Variants in ATF6 observed in about 807,000 individuals in gnomAD.
ATF6 encodes activating transcription factor 6, also known as cyclic AMP-dependent transcription factor ATF-6 alpha.
In ATF6, 53 loss-of-function variants were observed where a neutral mutation model predicts 83.6. The observed-to-expected ratio is 0.63, with a 90% CI of 0.51 to 0.80. The LOEUF (loss-of-function observed/expected upper bound fraction) is 0.80. ATF6 is among the 30% of genes least tolerant of loss of function. The pLI is 0.00. For missense variants in ATF6, 744 were observed against 797.9 expected, an observed-to-expected ratio of 0.93 and a Z score of 0.81; for synonymous variants, 288 against 285.8, an observed-to-expected ratio of 1.01 and a Z score of -0.08.
intron 14 of ATF6, among the ~76,000 whole-genome samples, chr1:161,903,599 C>G (rs888292379): frequency 1.3e-5 from 2 of 151,980 alleles, no homozygotes; most frequent in African/African-American, 4.8e-5. Flanking sequence ...CTTTTTGGTC[C>G]CTTTTTTTAA....
intron 4 of ATF6, among the ~76,000 whole-genome samples, chr1:161,787,159 T>C (rs925670623): frequency 6.6e-6 from 1 of 152,242 alleles, no homozygotes; most frequent in African/African-American, 2.4e-5. Context: ...CCTTCATAGA[T>C]GTTATCTGCC....
chr1:161,819,649 G>A lies in ATF6; in HGVS notation c.926G>A (p.Arg309Lys). ...NVGSDIAVLR[R>K]QQRMIKNRES... ...TTTTTCTAGATTGCTGTGCTAAGGA[G>A]ACAGCAACGTATGATAAAAAATCGA... The change falls in exon 8 of 16, where the codon AGA (arginine) becomes AAA (lysine). Residue 309 changes from arginine to lysine, a missense_variant. Coordinates refer to ENST00000367942, the MANE Select transcript of ATF6 (RefSeq NM_007348.4). 6.2e-7 allele frequency: 1 copy of A among 1,605,428 alleles called. No individual in the cohort carries two copies.
intron 6 of ATF6, among the ~76,000 whole-genome samples, chr1:161,798,840 G>GA (rs1459013637): frequency 6.6e-6 from 1 of 152,124 alleles, no homozygotes; most frequent in Non-Finnish European, 1.5e-5. Flanking sequence ...ATAAGCATAT[G>GA]AAAAAATGCT....
At chr1:161,814,691 A>G (rs1302604646) in intron 7 of ATF6, among the ~76,000 whole-genome samples, 1 of 152,194 alleles carries the variant, frequency 6.6e-6, no homozygotes, top group Non-Finnish European at 1.5e-5. Context: ...GAGATTGAGA[A>G]GAGTAGAGAT....
rs1689117590 is a variant in ATF6, at chr1:161,962,352, C to T, written c.*3698C>T. 6.6e-6 allele frequency: 1 copy of T among 152,178 alleles called. No individual in the cohort carries two copies. Among genetic ancestry groups the T allele is most frequent in the Non-Finnish European group, 1.5e-5 (1 of 68,034 alleles). 9.4% of individuals were successfully genotyped at this position (152,178 alleles called of 1,614,324 possible). On this transcript the variant is annotated 3_prime_UTR_variant, in exon 16 of 16. Transcript: ENST00000367942. ...ACTAAATCTTAGCCTGAACCTTCCT[C>T]CCCTGTGTGTATTCCCCGGTAGTCA...
chr1:161,910,612 T>C (rs1031967332), intron 14 of ATF6, among the ~76,000 whole-genome samples: 1 of 152,186 alleles, frequency 6.6e-6, no homozygotes, highest in Non-Finnish European at 1.5e-5. Context: ...GAATCTAAGT[T>C]TGTTTATTTT....
intron 14 of ATF6, among the ~76,000 whole-genome samples, chr1:161,897,541 T>TA (rs1687700207): frequency 6.6e-6 from 1 of 152,176 alleles, no homozygotes; most frequent in East Asian, 1.9e-4. Flanking sequence ...CTGCTGCTCC[T>TA]AAAAAACCTA....
At chr1:161,879,838 C>A (rs1195092967) in intron 14 of ATF6, among the ~76,000 whole-genome samples, 4 of 151,996 alleles carry the variant, frequency 2.6e-5, no homozygotes, top group African/African-American at 9.7e-5. Context: ...TCTTCCTTAA[C>A]ACCTTTCTTC....
rs138352365 is a variant in ATF6 at position 161,886,660 on chromosome 1, G to C, written c.1719+23348G>C. Among the ~76,000 whole-genome samples the C allele has an allele frequency of 5.9e-5, 9 of 152,238 alleles. No homozygotes were observed. In the East Asian group the frequency reaches 1.7e-3, roughly 29 times the overall value. On this transcript the variant is annotated intron_variant, in intron 14 of 15. Transcript: ENST00000367942. ...TATATGTTCCATTATAATCTCATGG[G>C]ACCACCATAGTACATGCGGTCCATT... is the stretch of plus-strand genomic sequence containing the variant.
intron 14 of ATF6, among the ~76,000 whole-genome samples, chr1:161,908,493 A>G (rs913450461): frequency 1.3e-5 from 2 of 152,132 alleles, no homozygotes; most frequent in Admixed American, 6.5e-5. Context: ...CTGATGCTTT[A>G]TTTTCATGGT....
rs538699308 is a variant in ATF6 at position 161,885,831 on chromosome 1, A to T, written c.1719+22519A>T. ...GAATTTATTATTGTAGAGAAAAGTG[A>T]CTTGTAAATCCAAAATTTCATACTG... On this transcript the variant is annotated intron_variant, in intron 14 of 15. Transcript: ENST00000367942. Among the ~76,000 whole-genome samples, 41 of 152,330 alleles carry T rather than the reference A, an allele frequency of 2.7e-4. No homozygotes were observed. The Middle Eastern group carries it at 0.01, about 38-fold the overall frequency.
At chr1:161,869,079 CA>C (rs35932688) in intron 14 of ATF6, among the ~76,000 whole-genome samples, 2 of 149,008 alleles carry the variant, frequency 1.3e-5, no homozygotes, top group Non-Finnish European at 1.5e-5. Flanking sequence ...GTGATTATTG[CA>C]AAAAAAAAGG....
At position 161,963,632 on chromosome 1, in the gene ATF6, A is replaced by C. The variant is rs1301419025; in HGVS notation, c.*4978A>C. 6.6e-6 allele frequency: 1 copy of C among 152,206 alleles called. No homozygotes were observed. The highest frequency in any genetic ancestry group is 1.5e-5 in the Non-Finnish European group (1 of 68,038). The allele number at this position is 152,206 out of a possible 1,614,324, so 9.4% of individuals were successfully genotyped here. A position where few individuals can be genotyped will look rare whatever the true frequency, so the allele number is the denominator to read the frequency against. The stretch of plus-strand genomic sequence containing the variant: ...AGATTAGTAGGTTGACTTTCACAGC[A>C]ATTGTATATTGATCCATTTTAACTC... On this transcript the variant is annotated 3_prime_UTR_variant, in exon 16 of 16. Transcript: ENST00000367942.
At chr1:161,799,827 G>A (rs1685103267) in intron 6 of ATF6, among the ~76,000 whole-genome samples, 1 of 152,138 alleles carries the variant, frequency 6.6e-6, no homozygotes. Flanking sequence ...CAAGACAGAT[G>A]TTCTTGACAA....
rs373415832 is a variant in ATF6 at position 161,811,758 on chromosome 1, ACCATCCATCCAT to A, written c.910-7854_910-7843del. On this transcript the variant is annotated intron_variant, in intron 7 of 15. Transcript: ENST00000367942. ...CACCCACCCATCCACCCACCATCCA[ACCATCCATCCAT>A]CCATCCATCCATCCATCCATATACA... Among the ~76,000 whole-genome samples, 1,324 of 137,448 alleles carry A rather than the reference ACCATCCATCCAT, an allele frequency of 9.6e-3. 20 individuals carry two copies. The highest frequency in any genetic ancestry group is 0.032 in the African/African-American group (1,263 of 40,094). The allele number at this position is 137,448 out of a possible 152,430, so 90.2% of individuals were successfully genotyped here.
At chr1:161,915,318 C>T (rs1688074409) in intron 15 of ATF6, among the ~76,000 whole-genome samples, 1 of 152,204 alleles carries the variant, frequency 6.6e-6, no homozygotes, top group Non-Finnish European at 1.5e-5. Flanking sequence ...TGTACCTCAG[C>T]TTCCTCATCT....
chr1:161,812,700 G>T (rs972258774), intron 7 of ATF6, among the ~76,000 whole-genome samples: 2 of 151,748 alleles, frequency 1.3e-5, no homozygotes, highest in Non-Finnish European at 1.5e-5. Flanking sequence ...CCAGGAGCAG[G>T]TATTTTCAAT....
chr1:161,930,885 G>A (rs796445855), intron 15 of ATF6, among the ~76,000 whole-genome samples: 16 of 151,912 alleles, frequency 1.1e-4, no homozygotes, highest in African/African-American at 3.9e-4. Context: ...ATGTAGGTTC[G>A]TAGAATTTTT....
At chr1:161,853,756 A>G (rs930908352) in intron 12 of ATF6, among the ~76,000 whole-genome samples, 3 of 152,332 alleles carry the variant, frequency 2.0e-5, no homozygotes, top group African/African-American at 7.2e-5. Flanking sequence ...ATTTACTACT[A>G]TGGTTTAATG....
Sources: allele counts gnomAD v4.1 joint callset (sites outside exome capture counted in the v4.1 genomes callset), GRCh38; gene constraint gnomAD v4.1.1; transcripts MANE v1.5; gene names NCBI Gene and HGNC (gene_info 2026-07-23, HGNC 2026-07-21).